GPR101: variants seen among roughly 807,000 people sequenced by gnomAD.
GPR101 encodes the protein probable G protein-coupled receptor 101.
A neutral mutation model predicts 16.4 loss-of-function variants in GPR101; 8 were observed. The observed-to-expected ratio is 0.49, with a 90% confidence interval of 0.29 to 0.88. The LOEUF (loss-of-function observed/expected upper bound fraction) is 0.88. Among genes scored for constraint, GPR101 ranks in the 40% least tolerant of loss-of-function variants. The pLI, the probability that GPR101 is intolerant of heterozygous loss-of-function variation, is 0.09. For missense variants in GPR101, 375 were observed against 411.7 expected, an observed-to-expected ratio of 0.91 and a Z score of 0.77; for synonymous variants, 155 against 168.7, an observed-to-expected ratio of 0.92 and a Z score of 0.63.
Position 137,028,277 on chromosome X carries a change from T to A in GPR101, c.*1871A>T, listed in dbSNP as rs772244266. ...TCAGCTCTATATTATTTGGTTCTAT[T>A]CCCTCTACTTTCCTAAATTCTGAAC... On this transcript the variant is annotated 3_prime_UTR_variant, in exon 2 of 2. Coordinates refer to ENST00000651716, the MANE Select transcript of GPR101 (RefSeq NM_054021.2). Among the ~76,000 whole-genome samples the A allele has an allele frequency of 8.0e-5, 9 of 111,977 alleles. No individual in the cohort carries two copies. Among genetic ancestry groups the A allele is most frequent in the Non-Finnish European group, 1.1e-4 (6 of 53,153 alleles).
In GPR101 at chrX:137,025,069, T is replaced by A. The variant is rs1927150602; in HGVS notation, c.*5079A>T. Among the ~76,000 whole-genome samples the A allele has an allele frequency of 8.9e-6, 1 of 112,330 alleles. No homozygotes were observed. Among genetic ancestry groups the A allele is most frequent in the Admixed American group, 9.4e-5 (1 of 10,626 alleles). On this transcript the variant is annotated 3_prime_UTR_variant, in exon 2 of 2. Coordinates refer to ENST00000651716, the MANE Select transcript of GPR101 (RefSeq NM_054021.2). ...AGCCACGATGATTAGTTCACACTAA[T>A]GACCAATTGTACCAGAATAAGTCCT...
rs1927188895 is a variant in GPR101 at position 137,027,717 on chromosome X, T to G, written c.*2431A>C. 8.9e-6 allele frequency among the ~76,000 whole-genome samples: 1 copy of G among 112,513 alleles called. No homozygotes were observed. Among genetic ancestry groups the G allele is most frequent in the Admixed American group, 9.4e-5 (1 of 10,633 alleles). Reference sequence around the variant, plus strand: ...CTTCAAAAAGGAAAGGGAATCTCAGTGCCCTTGAGAATGTTGTGTGTGCTG... The same window carrying G: ...CTTCAAAAAGGAAAGGGAATCTCAGGGCCCTTGAGAATGTTGTGTGTGCTG... On this transcript the variant is annotated 3_prime_UTR_variant, in exon 2 of 2. Coordinates refer to ENST00000651716, the MANE Select transcript of GPR101 (RefSeq NM_054021.2).
In GPR101 at chrX:137,024,511, G is replaced by T; in HGVS notation, c.*5637C>A. 8.9e-6 allele frequency among the ~76,000 whole-genome samples: 1 copy of T among 112,340 alleles called. No individual in the cohort carries two copies. ...CTCACAAAATTTGGTATTAAAGGCAGTTTTAAAAACAATTTAATGAGGGTA... is the reference window on the plus strand; with the variant it reads ...CTCACAAAATTTGGTATTAAAGGCATTTTTAAAAACAATTTAATGAGGGTA... On this transcript the variant is annotated 3_prime_UTR_variant, in exon 2 of 2. Transcript: ENST00000651716.
rs769861230 is a variant in GPR101, at chrX:137,031,223, A to G, written c.452T>C (p.Leu151Pro). The G allele has an allele frequency of 8.3e-7, 1 of 1,210,448 alleles. No homozygotes were observed. Among genetic ancestry groups the G allele is most frequent in the African/African-American group, 1.7e-5 (1 of 57,336 alleles). The change falls in exon 2 of 2, where the codon CTC becomes CCC. Residue 151 changes from leucine (L) to proline (P), a missense_variant. Leu to Pro is a moderately conservative substitution (Grantham distance 98, BLOSUM62 -3). Coordinates refer to ENST00000651716, the MANE Select transcript of GPR101 (RefSeq NM_054021.2). ...GGCCACAATCCAGGTGCCATAGAGG[A>G]GCAGGTAACCGCGGCGCTGGGTCAT... Reference protein sequence around the residue: ...SKMTQRRGYLLLYGTWIVAIL... With the variant: ...SKMTQRRGYLPLYGTWIVAIL...
At chrX:137,033,299 T>C (rs1035039836) in intron 1 of GPR101, among the ~76,000 whole-genome samples, 2 of 106,425 alleles carry the variant, frequency 1.9e-5, no homozygotes, top group African/African-American at 6.9e-5. Flanking sequence ...GGGTGCAGGG[T>C]GGTGGAGAGA....
Position 137,032,322 on chromosome X carries a change from T to C in GPR101, c.-92-556A>G, listed in dbSNP as rs999032417. ...CACTCTGTTTGTCACTCAGTCTCTC[T>C]GTGTGTGTCTCTTTCGCTAGCGCAC... On this transcript the variant is annotated intron_variant, in intron 1 of 1. Transcript: ENST00000651716. Among the ~76,000 whole-genome samples, 5 of 111,355 alleles carry C rather than the reference T, an allele frequency of 4.5e-5. No homozygotes were observed. The Admixed American group carries it at 4.8e-4, about 11-fold the overall frequency.
rs1927192103 is a variant in GPR101 at position 137,027,946 on chromosome X, T to C, written c.*2202A>G. Among the ~76,000 whole-genome samples, 1 of 112,426 alleles carries C rather than the reference T, an allele frequency of 8.9e-6. No individual in the cohort carries two copies. Among genetic ancestry groups the C allele is most frequent in the Admixed American group, 9.4e-5 (1 of 10,626 alleles). ...GCATTTCTACTCAAAGGATAGGCTA[T>C]AGCTACCTTGAACTCCTTTGACAAT... On this transcript the variant is annotated 3_prime_UTR_variant, in exon 2 of 2. Transcript: ENST00000651716.
In GPR101 at chrX:137,026,046, G is replaced by A. The variant is rs1225684106; in HGVS notation, c.*4102C>T. ...CACTAGTCCAGCCCATGGAAAGTAA[G>A]AGGAAGAGATAAGGAGGGAGAGGGT... On this transcript the variant is annotated 3_prime_UTR_variant, in exon 2 of 2. Coordinates refer to ENST00000651716, the MANE Select transcript of GPR101 (RefSeq NM_054021.2). Among the ~76,000 whole-genome samples the A allele has an allele frequency of 1.8e-5, 2 of 112,190 alleles. No individual in the cohort carries two copies. Among genetic ancestry groups the A allele is most frequent in the East Asian group, 2.8e-4 (1 of 3,572 alleles).
Position 137,030,560 on chromosome X carries a change from A to G in GPR101, c.1115T>C (p.Ile372Thr). 1.7e-6 allele frequency: 2 copies of G among 1,210,992 alleles called. No homozygotes were observed. Among genetic ancestry groups the G allele is most frequent in the Non-Finnish European group, 2.2e-6 (2 of 895,220 alleles). ...ACGACTGGGTGGGAGGCTCTCCGGG[A>G]TGTTCACTGCCTCGACGTCATCCTC... ...FSEDDVEAVN[I>T]PESLPPSRRN... Residue 372 changes from isoleucine to threonine, a missense_variant, in exon 2 of 2, where the codon ATC becomes ACC. By Grantham distance (89) the Ile-to-Thr change is moderately conservative. Transcript: ENST00000651716.
chrX:137,033,489 C>T (rs990767525), intron 1 of GPR101, among the ~76,000 whole-genome samples: 36 of 108,086 alleles, frequency 3.3e-4, no homozygotes, highest in African/African-American at 1.2e-3. Context: ...GCAAGACAGA[C>T]TGGGAGAGAC....
In GPR101 at chrX:137,025,506, G is replaced by A. The variant is rs1927158181; in HGVS notation, c.*4642C>T. Among the ~76,000 whole-genome samples the A allele has an allele frequency of 1.8e-5, 2 of 112,511 alleles. No individual in the cohort carries two copies. Among genetic ancestry groups the A allele is most frequent in the Admixed American group, 9.4e-5 (1 of 10,639 alleles). On this transcript the variant is annotated 3_prime_UTR_variant, in exon 2 of 2. Transcript: ENST00000651716. ...TGAAGAGGGGGGAAAATCCACTCAC[G>A]TTTGAAACATCAAACTAAAACCAAT... is the stretch of plus-strand genomic sequence containing the variant.
chrX:137,030,053 A>G lies in GPR101; in HGVS notation c.*95T>C. 1 of 753,827 alleles carries G rather than the reference A, an allele frequency of 1.3e-6. No homozygotes were observed. Among genetic ancestry groups the G allele is most frequent in the Non-Finnish European group, 1.9e-6 (1 of 520,643 alleles). The allele number at this position is 753,827 out of a possible 1,213,427, so 62.1% of individuals were successfully genotyped here. On this transcript the variant is annotated 3_prime_UTR_variant, in exon 2 of 2. Transcript: ENST00000651716. ...GTGCAACACCTTTGCCTGAAATGGT[A>G]TGGTTTGGCATTAATGAATTGTGGG...
chrX:137,026,764 A>G lies in GPR101; in HGVS notation c.*3384T>C, dbSNP rs1229577149. Among the ~76,000 whole-genome samples, 1 of 111,441 alleles carries G rather than the reference A, an allele frequency of 9.0e-6. No homozygotes were observed. Among genetic ancestry groups the G allele is most frequent in the East Asian group, 2.8e-4 (1 of 3,583 alleles). On this transcript the variant is annotated 3_prime_UTR_variant, in exon 2 of 2. Coordinates refer to ENST00000651716, the MANE Select transcript of GPR101 (RefSeq NM_054021.2). ...CTTACCTGTTGAATTTGAAGTAGGT[A>G]TCCCGTCATCTCTAAATTGGATTGG... is the stretch of plus-strand genomic sequence containing the variant.
In GPR101 at chrX:137,023,975, A is replaced by G. The variant is rs1210630426; in HGVS notation, c.*6173T>C. On this transcript the variant is annotated 3_prime_UTR_variant, in exon 2 of 2. Transcript: ENST00000651716. ...TATTTAGAATATTTAAGAGGAATAT[A>G]CCAAGGATAGAATAACAGCACCTAT... Among the ~76,000 whole-genome samples the G allele has an allele frequency of 8.9e-6, 1 of 112,010 alleles. No homozygotes were observed. The highest frequency in any genetic ancestry group is 1.9e-5 in the Non-Finnish European group (1 of 53,258).
At position 137,030,755 on chromosome X, in the gene GPR101, C is replaced by T; in HGVS notation, c.920G>A (p.Arg307Lys). 1 of 1,211,403 alleles carries T rather than the reference C, an allele frequency of 8.3e-7. No individual in the cohort carries two copies. Among genetic ancestry groups the T allele is most frequent in the African/African-American group, 1.7e-5 (1 of 57,647 alleles). ...SVEARGSEEVRESSTVASDGS... is the reference protein window; with the variant it reads ...SVEARGSEEVKESSTVASDGS... Reference sequence around the variant, plus strand: ...GTCGCTGGCCACCGTGCTGCTCTCTCTGACCTCCTCGCTGCCCCTGGCCTC... The same window carrying T: ...GTCGCTGGCCACCGTGCTGCTCTCTTTGACCTCCTCGCTGCCCCTGGCCTC... The change falls in exon 2 of 2, where the codon AGA (arginine) becomes AAA (lysine). Residue 307 changes from arginine (R) to lysine (K), a missense_variant. Coordinates refer to ENST00000651716, the MANE Select transcript of GPR101 (RefSeq NM_054021.2).
chrX:137,026,229 C>T lies in GPR101; in HGVS notation c.*3919G>A, dbSNP rs1927165758. On this transcript the variant is annotated 3_prime_UTR_variant, in exon 2 of 2. Transcript: ENST00000651716. Reference sequence around the variant, plus strand: ...AGGTCTTTCTTAAAGAGGAATACAACAGAAAAGACATTATGAGGGGAAAAC... The same window carrying T: ...AGGTCTTTCTTAAAGAGGAATACAATAGAAAAGACATTATGAGGGGAAAAC... Among the ~76,000 whole-genome samples the T allele has an allele frequency of 8.9e-6, 1 of 112,229 alleles. No individual in the cohort carries two copies.
Position 137,030,318 on chromosome X carries a change from C to A in GPR101, c.1357G>T (p.Val453Phe). 1 of 1,211,047 alleles carries A rather than the reference C, an allele frequency of 8.3e-7. No homozygotes were observed. The highest frequency in any genetic ancestry group is 3.0e-5 in the East Asian group (1 of 33,844). The change falls in exon 2 of 2, where the codon GTC becomes TTC. Residue 453 changes from valine (V) to phenylalanine (F), a missense_variant. Coordinates refer to ENST00000651716, the MANE Select transcript of GPR101 (RefSeq NM_054021.2). ...FFLQCCIHPY[V>F]YGYMHKTIKK... Reference sequence around the variant, plus strand: ...ATGGTCTTGTGCATGTAGCCATAGACATAGGGGTGGATGCAGCACTGCAGG... The same window carrying A: ...ATGGTCTTGTGCATGTAGCCATAGAAATAGGGGTGGATGCAGCACTGCAGG...
Position 137,030,910 on chromosome X carries a change from C to G in GPR101, c.765G>C (p.Glu255Asp). 1 of 1,211,859 alleles carries G rather than the reference C, an allele frequency of 8.3e-7. No homozygotes were observed. The highest frequency in any genetic ancestry group is 1.1e-6 in the Non-Finnish European group (1 of 895,537). ...EDEEGAEKKE[E>D]FQDESEFRRQ... The stretch of plus-strand genomic sequence containing the variant: ...GGCGAAACTCACTCTCATCCTGGAA[C>G]TCCTCCTTCTTCTCTGCTCCCTCTT... The change falls in exon 2 of 2, where the codon GAG (glutamate) becomes GAC (aspartate). Residue 255 changes from glutamate (E) to aspartate (D), a missense_variant. Transcript: ENST00000651716.
chrX:137,023,951 A>T lies in GPR101; in HGVS notation c.*6197T>A, dbSNP rs1207664247. ...AGATACACACATAAAATTTGACTTT[A>T]TTTAGAATATTTAAGAGGAATATAC... On this transcript the variant is annotated 3_prime_UTR_variant, in exon 2 of 2. Coordinates refer to ENST00000651716, the MANE Select transcript of GPR101 (RefSeq NM_054021.2). Among the ~76,000 whole-genome samples the T allele has an allele frequency of 8.9e-6, 1 of 111,748 alleles. No individual in the cohort carries two copies. Among genetic ancestry groups the T allele is most frequent in the African/African-American group, 3.3e-5 (1 of 30,726 alleles).
Sources: gnomAD v4.1 joint callset for allele counts (sites outside exome capture counted in the v4.1 genomes callset) on GRCh38, gnomAD v4.1.1 for gene constraint, MANE v1.5 for transcripts, NCBI Gene and HGNC (gene_info 2026-07-23, HGNC 2026-07-21) for gene names.